The following PITPNM2 variants were observed in gnomAD, a reference collection of about 807,000 sequenced individuals.
PITPNM2 encodes the protein membrane-associated phosphatidylinositol transfer protein 2.
A neutral mutation model predicts 132.2 loss-of-function variants in PITPNM2; 35 were observed. That is an observed-to-expected ratio of 0.26 (90% CI 0.20 to 0.35). The LOEUF is 0.35. Among genes scored for constraint, PITPNM2 ranks in the 10% least tolerant of loss-of-function variants. PITPNM2 has a pLI of 1.00. For synonymous variants in PITPNM2, 738 were observed against 799.2 expected (o/e 0.92, Z 1.29); for missense variants, 1,332 against 1,912.0 (o/e 0.70, Z 5.66).
At chr12:123,075,881 G>A (rs1261834713) in intron 2 of PITPNM2, 1 of 152,310 alleles carries the variant, frequency 6.6e-6, no homozygotes, top group Non-Finnish European at 1.5e-5. Flanking sequence ...CTGTTCTTTT[G>A]ACTTTTGGGC....
At chr12:123,076,740 A>G (rs1290476556) in intron 2 of PITPNM2, among the ~76,000 whole-genome samples, 1 of 152,174 alleles carries the variant, frequency 6.6e-6, no homozygotes, top group African/African-American at 2.4e-5. Context: ...CTCCCTGGTG[A>G]GTCAGACAGG....
rs1352728385 is a variant in PITPNM2, at chr12:123,111,943, G to A, written c.-199-1455C>T. Reference sequence around the variant, plus strand: ...AGGAAAGCTGTTGAGAGGGTTGAGGGTTTGCCATGGTAACGCACCCATCAA... The same window carrying A: ...AGGAAAGCTGTTGAGAGGGTTGAGGATTTGCCATGGTAACGCACCCATCAA... On this transcript the variant is annotated intron_variant, in intron 1 of 25. Coordinates refer to ENST00000320201, the MANE Select transcript of PITPNM2 (RefSeq NM_020845.3). This position sits in a 1 kb window ranked among gnomAD's most constrained non-coding sequence, Gnocchi z 4.1. 6.6e-6 allele frequency among the ~76,000 whole-genome samples: 1 copy of A among 152,100 alleles called. No homozygotes were observed. Among genetic ancestry groups the A allele is most frequent in the Non-Finnish European group, 1.5e-5 (1 of 68,016 alleles).
At chr12:123,139,465 C>A (rs1465343698) in intron 1 of PITPNM2, among the ~76,000 whole-genome samples, 2 of 151,032 alleles carry the variant, frequency 1.3e-5, no homozygotes, top group Non-Finnish European at 2.9e-5. Flanking sequence ...CGTGCCACTG[C>A]ACTCCAGCCT....
At chr12:123,014,193 A>T in intron 3 of PITPNM2, 151 bp from the exon 4 acceptor site, 1 of 764,746 alleles carries the variant, frequency 1.3e-6, no homozygotes, top group Non-Finnish European at 2.1e-6. Flanking sequence ...CAGGCCCCCA[A>T]ATCTATATGC....
chr12:123,151,700 C>T (rs1251850362), upstream of PITPNM2, among the ~76,000 whole-genome samples: 4 of 152,138 alleles, frequency 2.6e-5, no homozygotes, highest in African/African-American at 4.8e-5. Context: ...CACGACAGGG[C>T]TCTCCAATGG....
At position 123,004,607 on chromosome 12, in the gene PITPNM2, C is replaced by T; in HGVS notation, c.953-118G>A. 1.1e-6 allele frequency: 1 copy of T among 894,134 alleles called. No individual in the cohort carries two copies. Among genetic ancestry groups the T allele is most frequent in the Non-Finnish European group, 1.8e-6 (1 of 548,776 alleles). The allele number at this position is 894,134 out of a possible 1,614,324, so 55.4% of individuals were successfully genotyped here. ...GGCCTGACAGGCATCACAGAGGCTG[C>T]CACAGGAGCCAGGAAGGTTCCGAAG... On this transcript the variant is annotated intron_variant, in intron 7 of 25. Transcript: ENST00000320201. This position sits in a 1 kb window ranked among gnomAD's most constrained non-coding sequence, Gnocchi z 4.9.
At chr12:123,141,674 A>G (rs992188919) in intron 1 of PITPNM2, among the ~76,000 whole-genome samples, 1 of 152,140 alleles carries the variant, frequency 6.6e-6, no homozygotes, top group Non-Finnish European at 1.5e-5. Context: ...ACTGGCCTGA[A>G]CCCTGCAAGC....
chr12:123,133,773 G>A (rs1437086857), intron 1 of PITPNM2, among the ~76,000 whole-genome samples: 1 of 150,222 alleles, frequency 6.7e-6, no homozygotes, highest in Admixed American at 6.7e-5. Context: ...GGCAATCTTA[G>A]CATCACAATT....
intron 2 of PITPNM2, among the ~76,000 whole-genome samples, chr12:123,063,263 C>T (rs2041308917): frequency 6.6e-6 from 1 of 152,208 alleles, no homozygotes; most frequent in South Asian, 2.1e-4. Context: ...GTATGCCAGG[C>T]AGACCTGGCT....
chr12:123,013,909 C>A lies in PITPNM2; in HGVS notation c.212G>T (p.Ser71Ile). The change falls in exon 4 of 26, where the codon AGC becomes ATC. Residue 71 changes from serine (S) to isoleucine (I), a missense_variant. By Grantham distance (142) the Ser-to-Ile change is moderately radical. Coordinates refer to ENST00000320201, the MANE Select transcript of PITPNM2 (RefSeq NM_020845.3). ...CTTGGGCAGGATGGAGCGGAACCAG[C>A]TGGGAATGTGCATGCCCACATGATA... is the stretch of plus-strand genomic sequence containing the variant. ...KVYHVGMHIP[S>I]WFRSILPKAA... 2.5e-6 allele frequency: 4 copies of A among 1,614,270 alleles called. No homozygotes were observed. The highest frequency in any genetic ancestry group is 3.4e-6 in the Non-Finnish European group (4 of 1,180,054).
At chr12:123,054,270 T>C (rs1339976003) in intron 2 of PITPNM2, among the ~76,000 whole-genome samples, 41 of 152,204 alleles carry the variant, frequency 2.7e-4, no homozygotes, top group Admixed American at 2.7e-3. Flanking sequence ...GGCTATTGTT[T>C]CCTTTTTCAG....
intron 3 of PITPNM2, among the ~76,000 whole-genome samples, chr12:123,015,669 G>A (rs964146732): frequency 2.6e-5 from 4 of 152,054 alleles, no homozygotes; most frequent in Non-Finnish European, 4.4e-5. Flanking sequence ...GGCAAACAAG[G>A]TCATCTTTAT....
intron 1 of PITPNM2, among the ~76,000 whole-genome samples, chr12:123,112,744 TA>T: frequency 6.6e-6 from 1 of 152,218 alleles, no homozygotes; most frequent in Admixed American, 6.5e-5. Flanking sequence ...TTCACCATGT[TA>T]GCCAGGATGG....
In PITPNM2 at chr12:123,095,947, C is replaced by T. The variant is rs561251448; in HGVS notation, c.-96+14438G>A. Among the ~76,000 whole-genome samples the T allele has an allele frequency of 3.3e-5, 5 of 152,344 alleles. No individual in the cohort carries two copies. Among genetic ancestry groups the T allele is most frequent in the East Asian group, 1.9e-4 (1 of 5,184 alleles). ...TTGGCACTATCGTAAGGATCATCAC[C>T]GCCCATGACTGATGCCTGTGATGGC... is the stretch of plus-strand genomic sequence containing the variant. On this transcript the variant is annotated intron_variant, in intron 2 of 25. Coordinates refer to ENST00000320201, the MANE Select transcript of PITPNM2 (RefSeq NM_020845.3). The surrounding 1 kb of genome is among the most constrained non-coding windows in gnomAD (Gnocchi z 5.0).
intron 2 of PITPNM2, among the ~76,000 whole-genome samples, chr12:123,052,644 T>A (rs886608583): frequency 2.6e-5 from 4 of 152,120 alleles, no homozygotes; most frequent in African/African-American, 9.7e-5. Flanking sequence ...TAAAATAAAA[T>A]TTTAAAACAG....
chr12:123,027,191 C>A (rs1052890579), intron 3 of PITPNM2, among the ~76,000 whole-genome samples: 1 of 152,170 alleles, frequency 6.6e-6, no homozygotes, highest in Non-Finnish European at 1.5e-5. Flanking sequence ...TGGCCACATA[C>A]ATCTTCAGTC....
intron 3 of PITPNM2, among the ~76,000 whole-genome samples, chr12:123,024,735 C>T (rs1276908326): frequency 6.6e-6 from 1 of 152,108 alleles, no homozygotes; most frequent in East Asian, 1.9e-4. Context: ...TCTATAGAGA[C>T]AGAAAGCACA....
rs1048212848 is a variant in PITPNM2, at chr12:123,022,022, A to T, written c.79-7980T>A. Among the ~76,000 whole-genome samples, 1 of 152,170 alleles carries T rather than the reference A, an allele frequency of 6.6e-6. No homozygotes were observed. The highest frequency in any genetic ancestry group is 2.4e-5 in the African/African-American group (1 of 41,446). On this transcript the variant is annotated intron_variant, in intron 3 of 25. Coordinates refer to ENST00000320201, the MANE Select transcript of PITPNM2 (RefSeq NM_020845.3). This position sits in a 1 kb window ranked among gnomAD's most constrained non-coding sequence, Gnocchi z 4.9. ...ATCCCAGCAAGGAGAGTGGCAGGGG[A>T]ATCGCCATGGCTCCAAAGCCAGATG...
intron 2 of PITPNM2, among the ~76,000 whole-genome samples, chr12:123,096,183 AG>A (rs1475933095): frequency 6.6e-6 from 1 of 152,242 alleles, no homozygotes; most frequent in Non-Finnish European, 1.5e-5. Context: ...TTGAGGGACT[AG>A]CCCCGCTCCC....
Sources: allele counts gnomAD v4.1 joint callset (sites outside exome capture counted in the v4.1 genomes callset), GRCh38; gene constraint gnomAD v4.1.1; non-coding constraint Gnocchi (gnomAD v3.1); transcripts MANE v1.5; gene names NCBI Gene and HGNC (gene_info 2026-07-23, HGNC 2026-07-21).